The following GADL1 variants were observed in gnomAD, a reference collection of about 807,000 sequenced individuals.
GADL1 encodes the protein acidic amino acid decarboxylase GADL1.
GADL1 carries 71 observed loss-of-function variants against 69.5 expected under a neutral mutation model. The observed-to-expected ratio is 1.02, with a 90% confidence interval of 0.84 to 1.25. GADL1 has a LOEUF of 1.25. GADL1 is among the 50% of genes most tolerant of loss of function. The pLI is 0.00. For missense variants in GADL1, 737 were observed against 631.8 expected (o/e 1.17, Z -1.79); for synonymous variants, 254 against 214.4 (o/e 1.18, Z -1.62).
At chr3:30,805,593 CG>C (rs1479083986) in intron 11 of GADL1, among the ~76,000 whole-genome samples, 2 of 151,940 alleles carry the variant, frequency 1.3e-5, no homozygotes, top group African/African-American at 4.8e-5. Flanking sequence ...AGAATGAATC[CG>C]TAGGTTGTAT....
chr3:30,890,119 G>A (rs1033453957), intron 1 of GADL1, among the ~76,000 whole-genome samples: 11 of 152,068 alleles, frequency 7.2e-5, no homozygotes, highest in African/African-American at 2.7e-4. Context: ...TATGTAAATG[G>A]TTACTAATTT....
intron 1 of GADL1, among the ~76,000 whole-genome samples, chr3:30,889,222 C>T (rs115031611): frequency 1.8e-3 from 276 of 151,378 alleles, no homozygotes; most frequent in African/African-American, 5.8e-3. Context: ...GGCAAGACAG[C>T]GTGTGCAGTG....
intron 12 of GADL1, among the ~76,000 whole-genome samples, chr3:30,794,563 T>G (rs957203213): frequency 3.9e-5 from 6 of 152,188 alleles, no homozygotes; most frequent in African/African-American, 1.4e-4. Flanking sequence ...AGGCTCTCAG[T>G]GTCACTGATT....
intron 11 of GADL1, among the ~76,000 whole-genome samples, chr3:30,805,277 A>T (rs1697229935): frequency 6.6e-6 from 1 of 152,208 alleles, no homozygotes; most frequent in Non-Finnish European, 1.5e-5. Context: ...TTTCAAACCA[A>T]AAATGCTTAG....
intron 8 of GADL1, among the ~76,000 whole-genome samples, chr3:30,843,904 C>A (rs1453644881): frequency 2.6e-5 from 4 of 152,122 alleles, no homozygotes; most frequent in Non-Finnish European, 5.9e-5. Flanking sequence ...TGGATTGATC[C>A]TTAGAGCTGC....
intron 14 of GADL1, among the ~76,000 whole-genome samples, chr3:30,763,882 G>A (rs998900714): frequency 6.6e-6 from 1 of 151,700 alleles, no homozygotes; most frequent in Non-Finnish European, 1.5e-5. Context: ...ACCTTAAAAT[G>A]ATATAATTTG....
intron 4 of GADL1, among the ~76,000 whole-genome samples, chr3:30,852,501 A>T (rs949531489): frequency 3.3e-5 from 5 of 152,160 alleles, no homozygotes; most frequent in Admixed American, 6.6e-5. Context: ...ACAGAGCAAG[A>T]TTTCATCTCC....
rs552457697 is a variant in GADL1 at position 30,824,081 on chromosome 3, C to A, written c.1050+9772G>T. Among the ~76,000 whole-genome samples the A allele has an allele frequency of 2.0e-5, 3 of 151,842 alleles. No individual in the cohort carries two copies. In the South Asian group the frequency reaches 6.2e-4, roughly 31 times the overall value. On this transcript the variant is annotated intron_variant, in intron 11 of 14. Transcript: ENST00000282538. ...AATAATTACAAAACGTATCAATCTA[C>A]AGATTCAAGAAACCCAGTAAAGCTC... is the stretch of plus-strand genomic sequence containing the variant.
chr3:30,814,013 A>C (rs1056642962), intron 11 of GADL1, among the ~76,000 whole-genome samples: 2 of 152,226 alleles, frequency 1.3e-5, no homozygotes, highest in Non-Finnish European at 2.9e-5. Flanking sequence ...GTTACTCCTC[A>C]ACATAGACAT....
At chr3:30,735,689 A>G (rs1695532238) in intron 14 of GADL1, among the ~76,000 whole-genome samples, 1 of 152,152 alleles carries the variant, frequency 6.6e-6, no homozygotes, top group Non-Finnish European at 1.5e-5. Flanking sequence ...AGTGATGAAC[A>G]CTGTGTCATG....
intron 14 of GADL1, among the ~76,000 whole-genome samples, chr3:30,751,986 G>A (rs927473142): frequency 6.9e-5 from 10 of 144,144 alleles, no homozygotes; most frequent in Non-Finnish European, 8.9e-5. Flanking sequence ...CTTACTGATG[G>A]CTGTCTAAAT....
intron 11 of GADL1, among the ~76,000 whole-genome samples, chr3:30,807,969 T>C (rs1407381729): frequency 6.7e-6 from 1 of 149,926 alleles, no homozygotes; most frequent in African/African-American, 2.5e-5. Flanking sequence ...GAGGTGGAGA[T>C]TGCAGTGAGC....
At chr3:30,796,764 T>C (rs572846495) in intron 12 of GADL1, among the ~76,000 whole-genome samples, 5 of 152,292 alleles carry the variant, frequency 3.3e-5, no homozygotes, top group African/African-American at 1.2e-4. Flanking sequence ...ACACTAGTCT[T>C]AAAAGCCTTA....
chr3:30,835,140 G>A (rs1301113404), intron 9 of GADL1, among the ~76,000 whole-genome samples: 1 of 152,062 alleles, frequency 6.6e-6, no homozygotes, highest in African/African-American at 2.4e-5. Flanking sequence ...GAGGTGTTCA[G>A]GTAAATTGTC....
At chr3:30,854,840 T>A in intron 3 of GADL1, 51 bp from the exon 4 acceptor site, 1 of 814,702 alleles carries the variant, frequency 1.2e-6, no homozygotes, top group Non-Finnish European at 2.0e-6. Flanking sequence ...AAAAAAAAAC[T>A]ACTGATACAG....
At chr3:30,805,093 C>T (rs962262167) in intron 11 of GADL1, among the ~76,000 whole-genome samples, 18 of 152,182 alleles carry the variant, frequency 1.2e-4, no homozygotes, top group Non-Finnish European at 2.4e-4. Flanking sequence ...TAATAATGAC[C>T]AGAGCTAACA....
intron 5 of GADL1, among the ~76,000 whole-genome samples, 191 bp downstream of exon 5, chr3:30,850,644 T>C (rs960643445): frequency 2.6e-5 from 4 of 152,190 alleles, no homozygotes; most frequent in African/African-American, 9.6e-5. Flanking sequence ...TCATTAAGTA[T>C]GTATGTCATC....
At chr3:30,836,819 C>T (rs776658388) in intron 9 of GADL1, among the ~76,000 whole-genome samples, 6 of 152,116 alleles carry the variant, frequency 3.9e-5, no homozygotes, top group South Asian at 2.1e-4. Context: ...TAGACCAGCC[C>T]GACGTTTTGT....
At chr3:30,735,577 A>T (rs1695530623) in intron 14 of GADL1, among the ~76,000 whole-genome samples, 1 of 152,196 alleles carries the variant, frequency 6.6e-6, no homozygotes. Context: ...GGCATTCTGG[A>T]AATGGCAAAA....
Sources: allele counts gnomAD v4.1 joint callset (sites outside exome capture counted in the v4.1 genomes callset), GRCh38; gene constraint gnomAD v4.1.1; transcripts MANE v1.5; gene names NCBI Gene and HGNC (gene_info 2026-07-23, HGNC 2026-07-21).